The following UNC80 variants were observed in gnomAD, a reference collection of about 807,000 sequenced individuals.
The protein encoded by UNC80 is protein unc-80 homolog.
A neutral mutation model predicts 384.6 loss-of-function variants in UNC80; 164 were observed. The observed-to-expected ratio is 0.43, with a 90% CI of 0.38 to 0.49. The LOEUF is 0.49. UNC80 is among the 20% of genes least tolerant of loss of function. The pLI, the probability that UNC80 is intolerant of heterozygous loss-of-function variation, is 0.00. For missense variants in UNC80, 3,330 were observed against 4,143.0 expected (o/e 0.80, Z 5.39); for synonymous variants, 1,486 against 1,527.8 (o/e 0.97, Z 0.64).
intron 25 of UNC80, among the ~76,000 whole-genome samples, chr2:209,884,751 C>T (rs2085619969): frequency 6.6e-6 from 1 of 152,128 alleles, no homozygotes; most frequent in Non-Finnish European, 1.5e-5. Context: ...TTTGCAGGGA[C>T]ATGGATGGAT....
chr2:209,784,517 AG>A (rs2077317663), intron 4 of UNC80, among the ~76,000 whole-genome samples: 1 of 152,110 alleles, frequency 6.6e-6, no homozygotes, highest in Non-Finnish European at 1.5e-5. Context: ...TGAACACACT[AG>A]GCACACTTAG....
At chr2:209,920,087 T>G (rs1212499656) in intron 33 of UNC80, among the ~76,000 whole-genome samples, 1 of 152,162 alleles carries the variant, frequency 6.6e-6, no homozygotes, top group East Asian at 1.9e-4. Flanking sequence ...GAGAATCACT[T>G]GAACCCAGGA....
At chr2:209,956,169 C>G (rs2092408304) in intron 48 of UNC80, among the ~76,000 whole-genome samples, 1 of 152,124 alleles carries the variant, frequency 6.6e-6, no homozygotes, top group African/African-American at 2.4e-5. Context: ...GGATGGAGCT[C>G]TGGCATTTAA....
rs1443827866 is a variant in UNC80 at position 209,813,600 on chromosome 2, C to T, written c.959C>T (p.Pro320Leu). Reference protein sequence around the residue: ...SHSRASLVIPPCQRSRYATYF... With the variant: ...SHSRASLVIPLCQRSRYATYF... ...AACAGGGCCTCTCTTGTGATACCTC[C>T]GTGCCAAAGGTCCCGCTATGCCACC... The change falls in exon 8 of 65, where the codon CCG becomes CTG. Residue 320 changes from proline (P) to leucine (L), a missense_variant. By Grantham distance (98) the Pro-to-Leu change is moderately conservative (BLOSUM62 -3). Transcript: ENST00000673920. The T allele has an allele frequency of 9.7e-6, 15 of 1,551,508 alleles. No homozygotes were observed. In the Admixed American group the frequency reaches 9.8e-5, roughly 10 times the overall value.
intron 13 of UNC80, among the ~76,000 whole-genome samples, chr2:209,821,524 G>T (rs2080132332): frequency 6.6e-6 from 1 of 152,192 alleles, no homozygotes; most frequent in Non-Finnish European, 1.5e-5. Flanking sequence ...AGCAAGAGAA[G>T]AATTTTGCTT....
At chr2:209,895,258 T>C (rs974359990) in intron 27 of UNC80, among the ~76,000 whole-genome samples, 2 of 152,224 alleles carry the variant, frequency 1.3e-5, no homozygotes, top group Admixed American at 6.5e-5. Context: ...GCACATTCAC[T>C]TTGCCATTCA....
chr2:209,886,314 A>G (rs2085800864), intron 25 of UNC80, among the ~76,000 whole-genome samples: 1 of 151,692 alleles, frequency 6.6e-6, no homozygotes, highest in African/African-American at 2.4e-5. Context: ...ACAGTGGCTC[A>G]TGGCTGCAAT....
chr2:209,983,320 G>T (rs974037324), intron 60 of UNC80, among the ~76,000 whole-genome samples: 5 of 140,030 alleles, frequency 3.6e-5, no homozygotes, highest in Non-Finnish European at 6.4e-5. Flanking sequence ...CAAAGAATAG[G>T]GTAAAATGAT....
intron 48 of UNC80, among the ~76,000 whole-genome samples, chr2:209,955,317 AAG>A (rs927520881): frequency 2.0e-5 from 3 of 152,056 alleles, no homozygotes; most frequent in African/African-American, 7.2e-5. Flanking sequence ...CAGCAAGAAA[AAG>A]AGAGAGTGGG....
intron 28 of UNC80, among the ~76,000 whole-genome samples, chr2:209,900,076 C>T (rs1457366265): frequency 6.6e-6 from 1 of 152,196 alleles, no homozygotes; most frequent in Non-Finnish European, 1.5e-5. Flanking sequence ...CTCACCTCAG[C>T]GAATATCCTT....
At chr2:209,871,466 G>A (rs1249469950) in intron 22 of UNC80, among the ~76,000 whole-genome samples, 1 of 152,112 alleles carries the variant, frequency 6.6e-6, no homozygotes, top group Non-Finnish European at 1.5e-5. Flanking sequence ...GACAGTCTAT[G>A]TTAGCCTCTA....
chr2:209,786,842 A>T (rs2077457822), intron 5 of UNC80, among the ~76,000 whole-genome samples: 1 of 151,906 alleles, frequency 6.6e-6, no homozygotes, highest in African/African-American at 2.4e-5. Flanking sequence ...GCTTTTTAGT[A>T]AGAAGTAAAT....
chr2:209,939,536 T>C lies in UNC80; in HGVS notation c.6530T>C (p.Ile2177Thr), dbSNP rs1367730079. 1.3e-6 allele frequency: 2 copies of C among 1,551,368 alleles called. No homozygotes were observed. The highest frequency in any genetic ancestry group is 2.7e-5 in the African/African-American group (2 of 72,968). ...VLFLISLTQK[I>T]PTAHKQSHVS... is the part of the protein sequence containing the mutation. Reference sequence around the variant, plus strand: ...TTTCTCATCTCCCTAACCCAGAAGATCCCCACAGCCCACAAACAGTCCCAC... The same window carrying C: ...TTTCTCATCTCCCTAACCCAGAAGACCCCCACAGCCCACAAACAGTCCCAC... Residue 2177 changes from isoleucine to threonine, a missense_variant, in exon 43 of 65, where the codon ATC (isoleucine) becomes ACC (threonine). Physicochemically the swap from Ile to Thr is moderately conservative, Grantham distance 89. This residue lies in a region of UNC80 where 1,049 missense variants were observed against 1,488.6 expected (regional missense o/e 0.70). Coordinates refer to ENST00000673920, the MANE Select transcript of UNC80 (RefSeq NM_001371986.1).
intron 15 of UNC80, 142 bp downstream of exon 15, chr2:209,829,521 T>G: frequency 3.4e-6 from 3 of 874,638 alleles, no homozygotes; most frequent in Non-Finnish European, 5.2e-6. Context: ...GGTGTGTGTA[T>G]AGAGTATAAA....
chr2:209,789,659 T>C, intron 6 of UNC80, 54 bp downstream of exon 6: 1 of 1,304,348 alleles, frequency 7.7e-7, no homozygotes, highest in Admixed American at 1.8e-5. Context: ...TTGGACATAG[T>C]GTAGTGTGAA....
intron 59 of UNC80, among the ~76,000 whole-genome samples, chr2:209,979,081 T>G (rs2093088672): frequency 6.6e-6 from 1 of 152,076 alleles, no homozygotes; most frequent in Admixed American, 6.6e-5. Flanking sequence ...AAATCCCATC[T>G]CTACTAAAAA....
At chr2:209,907,973 T>A (rs988625086) in intron 29 of UNC80, among the ~76,000 whole-genome samples, 1 of 152,248 alleles carries the variant, frequency 6.6e-6, no homozygotes. Context: ...CATGAATAAG[T>A]GCTTCTAACT....
At chr2:209,895,067 ACAGT>A (rs2124916797) in intron 27 of UNC80, among the ~76,000 whole-genome samples, 1 of 152,350 alleles carries the variant, frequency 6.6e-6, no homozygotes, top group African/African-American at 2.4e-5. Flanking sequence ...AAATCAGTGT[ACAGT>A]CAAAGCATGA....
chr2:209,887,474 A>G (rs889458684), intron 25 of UNC80, among the ~76,000 whole-genome samples: 9 of 152,140 alleles, frequency 5.9e-5, no homozygotes, highest in Admixed American at 3.9e-4. Context: ...GCCCAGAATA[A>G]TCTCCCAATC....
Sources: gnomAD v4.1 joint callset for allele counts (sites outside exome capture counted in the v4.1 genomes callset) on GRCh38, gnomAD v4.1.1 for gene constraint, gnomAD v4.1.1 regional missense constraint, MANE v1.5 for transcripts, NCBI Gene and HGNC (gene_info 2026-07-23, HGNC 2026-07-21) for gene names.